POLQ: variants seen among roughly 807,000 people sequenced by gnomAD.
POLQ encodes epididymis secretory sperm binding protein.
A neutral mutation model predicts 259.2 loss-of-function variants in POLQ; 233 were observed. The ratio of observed to expected loss-of-function variants is 0.90; its 90% CI spans 0.81 to 1.00. POLQ has a LOEUF of 1.00. Among genes scored for constraint, POLQ ranks in the 50% least tolerant of loss-of-function variants. The pLI, the probability that POLQ is intolerant of heterozygous loss-of-function variation, is 0.00. For synonymous variants in POLQ, 1,025 were observed against 1,048.8 expected (o/e 0.98, Z 0.44); for missense variants, 2,871 against 3,051.6 (o/e 0.94, Z 1.39).
chr3:121,478,413 T>C (rs1192483516), intron 19 of POLQ, among the ~76,000 whole-genome samples: 1 of 151,916 alleles, frequency 6.6e-6, no homozygotes, highest in African/African-American at 2.4e-5. Flanking sequence ...TCCCCAAAAC[T>C]GCAGATAAGG....
At chr3:121,528,004 A>C (rs947533170) in intron 7 of POLQ, among the ~76,000 whole-genome samples, 1 of 152,240 alleles carries the variant, frequency 6.6e-6, no homozygotes, top group Non-Finnish European at 1.5e-5. Context: ...GTAGTACAGT[A>C]TATACCAGTT....
At chr3:121,519,442 G>A (rs377628275) in intron 9 of POLQ, among the ~76,000 whole-genome samples, 5 of 148,536 alleles carry the variant, frequency 3.4e-5, no homozygotes, top group Middle Eastern at 3.3e-3. Context: ...TTGGGAGGCC[G>A]AGGCAGGCGG....
intron 22 of POLQ, among the ~76,000 whole-genome samples, chr3:121,471,293 C>T (rs1371130193): frequency 6.6e-6 from 1 of 152,010 alleles, no homozygotes; most frequent in Non-Finnish European, 1.5e-5. Flanking sequence ...GCCCCAGAGG[C>T]CTACTCAGAT....
Position 121,493,518 on chromosome 3 carries a change from C to A in POLQ, c.2482G>T (p.Glu828Ter), listed in dbSNP as rs768436260. The change falls in exon 15 of 30, where the codon GAG becomes TAG. Residue 828 changes from glutamate to a stop codon, truncating the protein, a stop_gained. Coordinates refer to ENST00000264233, the MANE Select transcript of POLQ (RefSeq NM_199420.4). LOFTEE classifies it high-confidence loss of function. ...VADLARANIV[E>*]VEVILKNAVP... is the part of the protein sequence containing the mutation. ...GCATTTTTCAGAATCACCTCCACCTCCACAATATTTGCTCTAGCAAGGTCT... is the reference window on the plus strand; with the variant it reads ...GCATTTTTCAGAATCACCTCCACCTACACAATATTTGCTCTAGCAAGGTCT... 6.2e-7 allele frequency: 1 copy of A among 1,613,774 alleles called. No homozygotes were observed. The highest frequency in any genetic ancestry group is 8.5e-7 in the Non-Finnish European group (1 of 1,179,752).
At chr3:121,436,030 G>C in intron 28 of POLQ, 92 bp downstream of exon 28, 1 of 1,072,026 alleles carries the variant, frequency 9.3e-7, no homozygotes, top group Non-Finnish European at 1.4e-6. Flanking sequence ...TTTGAGAACT[G>C]TTGAGAAATA....
intron 2 of POLQ, among the ~76,000 whole-genome samples, chr3:121,542,436 A>C (rs2048497317): frequency 6.6e-6 from 1 of 152,164 alleles, no homozygotes; most frequent in African/African-American, 2.4e-5. Flanking sequence ...CATGCCTAAG[A>C]AACAGCATAT....
At chr3:121,535,739 A>G (rs2048445966) in intron 5 of POLQ, among the ~76,000 whole-genome samples, 1 of 149,738 alleles carries the variant, frequency 6.7e-6, no homozygotes, top group Non-Finnish European at 1.5e-5. Context: ...AAAAAGAAAG[A>G]ATTATGAGGC....
chr3:121,494,506 A>G, intron 14 of POLQ: 1 of 1,522,196 alleles, frequency 6.6e-7, no homozygotes, highest in Non-Finnish European at 9.0e-7. Context: ...CCAAGAGACC[A>G]CCTGTCCTTC....
At chr3:121,527,862 T>G (rs1358102382) in intron 7 of POLQ, among the ~76,000 whole-genome samples, 1 of 152,216 alleles carries the variant, frequency 6.6e-6, no homozygotes, top group African/African-American at 2.4e-5. Context: ...AATTACTTTT[T>G]ACTGCAATAT....
intron 25 of POLQ, among the ~76,000 whole-genome samples, chr3:121,452,041 G>A (rs2047682198): frequency 6.6e-6 from 1 of 152,228 alleles, no homozygotes; most frequent in Non-Finnish European, 1.5e-5. Context: ...TCAGACTGCT[G>A]TGCTAGCAAT....
intron 26 of POLQ, among the ~76,000 whole-genome samples, chr3:121,444,216 C>T (rs1253663630): frequency 6.6e-6 from 1 of 151,946 alleles, no homozygotes; most frequent in Non-Finnish European, 1.5e-5. Context: ...GTTGATTCTT[C>T]CAATCTATGA....
chr3:121,513,878 C>G (rs1050794846), intron 9 of POLQ, among the ~76,000 whole-genome samples: 3 of 151,196 alleles, frequency 2.0e-5, no homozygotes, highest in Non-Finnish European at 4.4e-5. Context: ...CAAAATTAGC[C>G]AGGCATGATG....
intron 25 of POLQ, among the ~76,000 whole-genome samples, chr3:121,457,725 T>C (rs1016750473): frequency 1.2e-4 from 18 of 152,094 alleles, no homozygotes; most frequent in African/African-American, 4.1e-4. Flanking sequence ...CATTAAAACG[T>C]CAGGAAACAA....
Position 121,432,284 on chromosome 3 carries a change from G to C in POLQ, c.*20C>G. ...TGCATCTGCACAGGCTTCCCTGGGAGGACTTCATCAACAGCACAGTTACAC... is the reference window on the plus strand; with the variant it reads ...TGCATCTGCACAGGCTTCCCTGGGACGACTTCATCAACAGCACAGTTACAC... On this transcript the variant is annotated 3_prime_UTR_variant, in exon 30 of 30. Transcript: ENST00000264233. The C allele has an allele frequency of 6.3e-7, 1 of 1,580,490 alleles. No individual in the cohort carries two copies.
At chr3:121,499,267 C>CTT (rs34141063) in intron 12 of POLQ, among the ~76,000 whole-genome samples, 1 of 135,628 alleles carries the variant, frequency 7.4e-6, no homozygotes. Context: ...GAACCCAAGT[C>CTT]TTTTTTTTTT....
chr3:121,489,798 T>C lies in POLQ; in HGVS notation c.3133A>G (p.Arg1045Gly), dbSNP rs776849793. ...MSRSFRSWKR[R>G]KHLKRSRDSS... Reference sequence around the variant, plus strand: ...TCCCTAGATCGCTTTAGATGCTTTCTACGTTTCCAAGATCGAAAACTTCTG... The same window carrying C: ...TCCCTAGATCGCTTTAGATGCTTTCCACGTTTCCAAGATCGAAAACTTCTG... Residue 1045 changes from arginine (R) to glycine (G), a missense_variant, in exon 16 of 30, where the codon AGA becomes GGA. Physicochemically the swap from Arg to Gly is moderately radical, Grantham distance 125 (BLOSUM62 -2). This residue lies in a region of POLQ where 2,080 missense variants were observed against 2,126.0 expected (regional missense o/e 0.98). Transcript: ENST00000264233. 2.9e-5 allele frequency: 46 copies of C among 1,612,862 alleles called. No homozygotes were observed. Among genetic ancestry groups the C allele is most frequent in the Middle Eastern group, 1.6e-4 (1 of 6,082 alleles).
intron 28 of POLQ, among the ~76,000 whole-genome samples, chr3:121,435,828 G>A (rs1431061703): frequency 6.6e-6 from 1 of 152,172 alleles, no homozygotes; most frequent in Non-Finnish European, 1.5e-5. Flanking sequence ...CTTAAGAGAT[G>A]TAGTTATTTT....
chr3:121,491,991 T>G (rs2048072303), intron 15 of POLQ, among the ~76,000 whole-genome samples: 1 of 152,194 alleles, frequency 6.6e-6, no homozygotes, highest in African/African-American at 2.4e-5. Flanking sequence ...CTAATTGTTT[T>G]GTTTCATCCT....
chr3:121,491,408 T>G (rs943638274), intron 15 of POLQ, among the ~76,000 whole-genome samples: 1 of 115,958 alleles, frequency 8.6e-6, no homozygotes, highest in African/African-American at 3.3e-5. Flanking sequence ...TTCTGTACAA[T>G]ACACAATATA....
Sources: allele counts gnomAD v4.1 joint callset (sites outside exome capture counted in the v4.1 genomes callset), GRCh38; gene constraint gnomAD v4.1.1; regional missense constraint gnomAD v4.1.1; transcripts MANE v1.5; gene names NCBI Gene and HGNC (gene_info 2026-07-23, HGNC 2026-07-21).